ASIC2: variants seen among roughly 807,000 people sequenced by gnomAD.
The protein encoded by ASIC2 is acid sensing ion channel subunit 2.
ASIC2 carries 25 observed loss-of-function variants against 57.3 expected under a neutral mutation model. The observed-to-expected ratio is 0.44, with a 90% CI of 0.32 to 0.61. ASIC2 has a LOEUF of 0.61. Ranked by LOEUF, ASIC2 falls within the 20% of genes least tolerant of loss-of-function variation. The probability of loss-of-function intolerance (pLI) is 0.06; values close to 1 mark genes in which losing one functional copy is unlikely to be tolerated. For missense variants in ASIC2, 641 were observed against 738.1 expected (o/e 0.87, Z 1.52); for synonymous variants, 319 against 307.5 (o/e 1.04, Z -0.39).
chr17:33,398,844 T>C (rs1016375473), intron 1 of ASIC2, among the ~76,000 whole-genome samples: 3 of 152,138 alleles, frequency 2.0e-5, no homozygotes, highest in African/African-American at 7.2e-5. Context: ...AGATGGCAAC[T>C]CAAGTCTTAT....
At chr17:34,078,719 C>A (rs1446888060) in intron 1 of ASIC2, among the ~76,000 whole-genome samples, 1 of 152,150 alleles carries the variant, frequency 6.6e-6, no homozygotes, top group African/African-American at 2.4e-5. Context: ...GGAGCTCAGT[C>A]CTGAAAGGAA....
At chr17:33,164,959 C>T (rs748664671) in intron 1 of ASIC2, among the ~76,000 whole-genome samples, 24 of 152,190 alleles carry the variant, frequency 1.6e-4, no homozygotes, top group Non-Finnish European at 2.9e-4. Flanking sequence ...TTTTGATTCA[C>T]GTGCCTCCCT....
At chr17:33,626,795 C>A (rs1304570761) in intron 1 of ASIC2, among the ~76,000 whole-genome samples, 1 of 152,188 alleles carries the variant, frequency 6.6e-6, no homozygotes, top group African/African-American at 2.4e-5. Flanking sequence ...AAGTTCTCAT[C>A]ATTTGCAACA....
chr17:33,361,065 G>A (rs535173204), intron 1 of ASIC2, among the ~76,000 whole-genome samples: 2 of 152,312 alleles, frequency 1.3e-5, no homozygotes, highest in East Asian at 3.9e-4. Context: ...TGGAACCCTT[G>A]TTGGTCTTCA....
intron 1 of ASIC2, among the ~76,000 whole-genome samples, chr17:34,057,953 C>G (rs1386784250): frequency 6.6e-6 from 1 of 152,040 alleles, no homozygotes; most frequent in Non-Finnish European, 1.5e-5. Flanking sequence ...CCTCCAAGAG[C>G]CCATAGTCCC....
chr17:33,919,417 A>C (rs996083643), intron 1 of ASIC2, among the ~76,000 whole-genome samples: 10 of 152,254 alleles, frequency 6.6e-5, no homozygotes, highest in African/African-American at 2.4e-4. Context: ...GCAACGGGGA[A>C]AGGACCTTTT....
At chr17:33,330,148 C>T (rs1427280550) in intron 1 of ASIC2, among the ~76,000 whole-genome samples, 2 of 152,166 alleles carry the variant, frequency 1.3e-5, no homozygotes, top group African/African-American at 4.8e-5. Context: ...AATTTGTGAG[C>T]ATACTCTCCT....
intron 1 of ASIC2, among the ~76,000 whole-genome samples, chr17:34,095,657 T>TA (rs1241061951): frequency 1.7e-4 from 15 of 86,286 alleles, no homozygotes; most frequent in African/African-American, 1.1e-3. Flanking sequence ...ATATATATAA[T>TA]TTTATATATA....
At chr17:33,102,741 A>C (rs1224279334) in intron 2 of ASIC2, among the ~76,000 whole-genome samples, 1 of 152,184 alleles carries the variant, frequency 6.6e-6, no homozygotes, top group African/African-American at 2.4e-5. Flanking sequence ...GGATTAAAAA[A>C]AGTTTGCAAT....
chr17:33,824,768 G>C (rs317381), intron 1 of ASIC2, among the ~76,000 whole-genome samples: 152,305 of 152,320 alleles, frequency 1, 76,145 homozygotes, highest in Middle Eastern at 1. Context: ...TGCACAAGCT[G>C]TCTTGCAAGC....
At chr17:33,877,421 A>G (rs1054530791) in intron 1 of ASIC2, among the ~76,000 whole-genome samples, 2 of 152,224 alleles carry the variant, frequency 1.3e-5, no homozygotes, top group Admixed American at 1.3e-4. Context: ...CTCCCACCCT[A>G]GTACTGTGCT....
chr17:33,781,950 T>G (rs901862591), intron 1 of ASIC2, among the ~76,000 whole-genome samples: 1 of 152,176 alleles, frequency 6.6e-6, no homozygotes, highest in Non-Finnish European at 1.5e-5. Context: ...CCGGTGGCTC[T>G]CTTATAGATT....
intron 1 of ASIC2, among the ~76,000 whole-genome samples, chr17:33,139,670 C>T (rs926481917): frequency 2.6e-5 from 4 of 152,128 alleles, no homozygotes; most frequent in African/African-American, 9.7e-5. Flanking sequence ...GCAGCATGTC[C>T]CCTCCTGCTG....
chr17:33,757,267 A>T lies in ASIC2; in HGVS notation c.555+398711T>A, dbSNP rs77632758. 2.9e-3 allele frequency among the ~76,000 whole-genome samples: 446 copies of T among 152,294 alleles called. 1 individual carries two copies. The highest frequency in any genetic ancestry group is 0.01 in the African/African-American group (430 of 41,556). On this transcript the variant is annotated intron_variant, in intron 1 of 9. Coordinates refer to the ASIC2 transcript ENST00000359872. ...TATTCTAACAAGGGACAAAGTGAAG[A>T]CACTTTCTCACTTGGGACTTCCTCC...
intron 1 of ASIC2, among the ~76,000 whole-genome samples, chr17:33,409,293 T>C (rs527879491): frequency 1.3e-5 from 2 of 152,286 alleles, no homozygotes; most frequent in East Asian, 3.9e-4. Context: ...AAGGCATGAG[T>C]TCCCAAAGTG....
At chr17:33,623,286 G>C (rs529204630) in intron 1 of ASIC2, among the ~76,000 whole-genome samples, 34 of 151,756 alleles carry the variant, frequency 2.2e-4, no homozygotes, top group African/African-American at 7.7e-4. Flanking sequence ...TTTTGAGATG[G>C]AGTCTCTCTC....
intron 1 of ASIC2, among the ~76,000 whole-genome samples, chr17:33,733,766 A>G (rs953220396): frequency 6.6e-6 from 1 of 152,116 alleles, no homozygotes; most frequent in Admixed American, 6.5e-5. Context: ...GGACCATCAC[A>G]GTAGTTACCC....
At chr17:33,637,086 A>AT (rs1401695056) in intron 1 of ASIC2, among the ~76,000 whole-genome samples, 1 of 151,372 alleles carries the variant, frequency 6.6e-6, no homozygotes, top group African/African-American at 2.4e-5. Flanking sequence ...ATGCAAGATG[A>AT]TTTTTTTCTA....
chr17:33,976,548 G>T (rs1905394576), intron 1 of ASIC2: 1 of 152,180 alleles, frequency 6.6e-6, no homozygotes, highest in South Asian at 2.1e-4. Flanking sequence ...GGAGGAAAGT[G>T]ACATTGTTGA....
Sources: gnomAD v4.1 joint callset for allele counts (sites outside exome capture counted in the v4.1 genomes callset) on GRCh38, gnomAD v4.1.1 for gene constraint, MANE v1.5 for transcripts, NCBI Gene and HGNC (gene_info 2026-07-23, HGNC 2026-07-21) for gene names.